SEL1L2: variants seen among roughly 807,000 people sequenced by gnomAD.
SEL1L2 encodes the protein SEL1L2 adaptor subunit of SYVN1 ubiquitin ligase.
SEL1L2 carries 89 observed loss-of-function variants against 98.8 expected under a neutral mutation model. That is an observed-to-expected ratio of 0.90 (90% CI 0.76 to 1.07). The LOEUF is 1.07. SEL1L2 is among the 50% of genes least tolerant of loss of function. The pLI, the probability that SEL1L2 is intolerant of heterozygous loss-of-function variation, is 0.00. For synonymous variants in SEL1L2, 262 were observed against 278.5 expected, an observed-to-expected ratio of 0.94 and a Z score of 0.59; for missense variants, 788 against 812.0, an observed-to-expected ratio of 0.97 and a Z score of 0.36.
intron 1 of SEL1L2, 56 bp from the exon 2 acceptor site, chr20:13,956,187 C>T: frequency 1.2e-6 from 1 of 851,970 alleles, no homozygotes; most frequent in Non-Finnish European, 1.8e-6. Context: ...TTTAAAATTT[C>T]ACTAAATACA....
At chr20:13,945,329 A>G (rs2049959784) in intron 2 of SEL1L2, among the ~76,000 whole-genome samples, 1 of 152,278 alleles carries the variant, frequency 6.6e-6, no homozygotes, top group East Asian at 1.9e-4. Flanking sequence ...GTTTTTCTGC[A>G]TAACTATTAA....
intron 3 of SEL1L2, among the ~76,000 whole-genome samples, chr20:13,928,725 A>G (rs2148294328): frequency 1.3e-5 from 2 of 152,312 alleles, no homozygotes; most frequent in South Asian, 4.1e-4. Context: ...TGAATTCGTT[A>G]ATGCAATCAA....
At chr20:13,992,031 C>T (rs1324837936), upstream of SEL1L2, among the ~76,000 whole-genome samples, 2 of 152,066 alleles carry the variant, frequency 1.3e-5, no homozygotes, top group African/African-American at 2.4e-5. Context: ...CAAACCCAAA[C>T]TTCTTTATAG....
rs777995796 is a variant in SEL1L2, at chr20:13,865,231, G to A, written c.1581C>T (p.Asn527=). Residue 527 remains asparagine, a synonymous_variant, in exon 17 of 20, where the codon AAC becomes AAT. Coordinates refer to ENST00000284951, the MANE Select transcript of SEL1L2 (RefSeq NM_025229.2). ...GATACATCTTCTCTTTTTCAAGAATGTTAGCCTTTTCTAAAAAGAGGAGAC... is the reference window on the plus strand; with the variant it reads ...GATACATCTTCTCTTTTTCAAGAATATTAGCCTTTTCTAAAAAGAGGAGAC... The part of the protein sequence containing the change: ...SAFILESKKA[N]ILEKEKMYPM... The A allele has an allele frequency of 3.1e-6, 5 of 1,613,520 alleles. No individual in the cohort carries two copies. The highest frequency in any genetic ancestry group is 4.2e-6 in the Non-Finnish European group (5 of 1,179,536).
chr20:13,869,597 GATA>G lies in SEL1L2; in HGVS notation c.1168-10_1168-8del. ...TAAGTGCTTCGGCATAATTCTGCAA[GATA>G]ATTACACTCTATTACTCAAAGGCAC... On this transcript the variant is annotated splice_polypyrimidine_tract_variant and splice_region_variant and intron_variant, in intron 13 of 19. Coordinates refer to ENST00000284951, the MANE Select transcript of SEL1L2 (RefSeq NM_025229.2). 6.2e-7 allele frequency: 1 copy of G among 1,610,802 alleles called. No homozygotes were observed. Among genetic ancestry groups the G allele is most frequent in the Non-Finnish European group, 8.5e-7 (1 of 1,177,048 alleles).
chr20:13,990,664 G>A, upstream of SEL1L2: 7 of 669,266 alleles, frequency 1.0e-5, no homozygotes, highest in South Asian at 1.3e-4. Context: ...TTACTCTTGG[G>A]CCAATGGGCT....
intron 11 of SEL1L2, among the ~76,000 whole-genome samples, chr20:13,876,537 T>A (rs1048647142): frequency 1.4e-4 from 22 of 151,746 alleles, no homozygotes; most frequent in Non-Finnish European, 2.8e-4. Flanking sequence ...GAGTGAATAG[T>A]CTTTGAAGGA....
intron 1 of SEL1L2, among the ~76,000 whole-genome samples, chr20:13,973,980 A>G (rs978183990): frequency 2.6e-5 from 4 of 152,208 alleles, no homozygotes; most frequent in African/African-American, 9.7e-5. Flanking sequence ...GGGAAGGGGT[A>G]GTGTGCCCTT....
At chr20:13,982,698 T>C (rs2051898699) in intron 1 of SEL1L2, among the ~76,000 whole-genome samples, 1 of 151,704 alleles carries the variant, frequency 6.6e-6, no homozygotes, top group South Asian at 2.1e-4. Context: ...GGCAATGCCT[T>C]TTCTCTGCCT....
At chr20:13,910,002 C>T (rs1427826597) in intron 5 of SEL1L2, among the ~76,000 whole-genome samples, 1 of 152,052 alleles carries the variant, frequency 6.6e-6, no homozygotes, top group African/African-American at 2.4e-5. Flanking sequence ...CCAAAACAAA[C>T]AACAACAACA....
intron 5 of SEL1L2, among the ~76,000 whole-genome samples, chr20:13,902,360 T>G (rs1243273652): frequency 6.6e-6 from 1 of 152,226 alleles, no homozygotes; most frequent in Non-Finnish European, 1.5e-5. Flanking sequence ...ATAGGCAAGA[T>G]AAATACTTGA....
At chr20:13,987,613 G>A (rs1438725265) in intron 1 of SEL1L2, among the ~76,000 whole-genome samples, 1 of 152,062 alleles carries the variant, frequency 6.6e-6, no homozygotes, top group Admixed American at 6.5e-5. Context: ...CTCCCAAAGT[G>A]CTGGGATTAC....
intron 5 of SEL1L2, chr20:13,913,568 G>T: frequency 2.5e-6 from 1 of 397,586 alleles, no homozygotes; most frequent in Non-Finnish European, 4.4e-6. Context: ...CTTCATATAG[G>T]TGAATACATT....
chr20:13,913,674 G>T, intron 5 of SEL1L2, 108 bp downstream of exon 5: 1 of 1,027,116 alleles, frequency 9.7e-7, no homozygotes, highest in East Asian at 3.1e-5. Context: ...TCCCTAGACT[G>T]GGTTCATGCA....
At chr20:13,966,879 CTTTTTT>C (rs35292120) in intron 1 of SEL1L2, among the ~76,000 whole-genome samples, 9 of 104,148 alleles carry the variant, frequency 8.6e-5, no homozygotes, top group Non-Finnish European at 1.3e-4. Context: ...AGAGACCTGT[CTTTTTT>C]TTTTTTTTTT....
intron 18 of SEL1L2, among the ~76,000 whole-genome samples, chr20:13,852,468 A>G (rs1250361196): frequency 1.3e-5 from 2 of 152,162 alleles, no homozygotes; most frequent in Non-Finnish European, 2.9e-5. Flanking sequence ...AAGACTCCTC[A>G]TTCTTTGACC....
At chr20:13,917,906 T>G (rs1465852671) in intron 4 of SEL1L2, among the ~76,000 whole-genome samples, 2 of 144,934 alleles carry the variant, frequency 1.4e-5, no homozygotes, top group East Asian at 4.4e-4. Flanking sequence ...TTCAAGAAAT[T>G]CTCCTCCCTC....
At chr20:13,942,633 C>T (rs953969955) in intron 2 of SEL1L2, among the ~76,000 whole-genome samples, 1 of 150,958 alleles carries the variant, frequency 6.6e-6, no homozygotes, top group Non-Finnish European at 1.5e-5. Flanking sequence ...TTAAATAATA[C>T]AAAAATTTAA....
intron 10 of SEL1L2, among the ~76,000 whole-genome samples, chr20:13,883,268 C>T (rs1271175156): frequency 6.6e-6 from 1 of 152,166 alleles, no homozygotes; most frequent in Non-Finnish European, 1.5e-5. Context: ...AACTCGTCTT[C>T]TTGGGATATG....
Sources: gnomAD v4.1 joint callset for allele counts (sites outside exome capture counted in the v4.1 genomes callset) on GRCh38, gnomAD v4.1.1 for gene constraint, MANE v1.5 for transcripts, NCBI Gene and HGNC (gene_info 2026-07-23, HGNC 2026-07-21) for gene names.